The following GSE1 variants were observed in gnomAD, a reference collection of about 807,000 sequenced individuals.
GSE1 encodes Gse1 coiled-coil protein.
GSE1 carries 32 observed loss-of-function variants against 112.6 expected under a neutral mutation model. The observed-to-expected ratio is 0.28, with a 90% CI of 0.21 to 0.38. GSE1 has a LOEUF of 0.38. Ranked by LOEUF, GSE1 falls within the 10% of genes least tolerant of loss-of-function variation. GSE1 has a pLI of 1.00. For missense variants in GSE1, 2,348 were observed against 1,699.2 expected, an observed-to-expected ratio of 1.38 and a Z score of -6.71; for synonymous variants, 1,115 against 735.6, an observed-to-expected ratio of 1.52 and a Z score of -8.35.
At chr16:85,470,167 C>T (rs2050242910) in intron 2 of GSE1, among the ~76,000 whole-genome samples, 1 of 152,238 alleles carries the variant, frequency 6.6e-6, no homozygotes, top group African/African-American at 2.4e-5. Context: ...GCAGCTCGAG[C>T]CAGCTGGGCT....
At chr16:85,216,681 G>C (rs1364730632) in intron 1 of GSE1, among the ~76,000 whole-genome samples, 1 of 152,204 alleles carries the variant, frequency 6.6e-6, no homozygotes, top group Non-Finnish European at 1.5e-5. Context: ...ACACACAGCA[G>C]GTGTAGAGGC....
chr16:85,520,461 C>T (rs1025637165), intron 2 of GSE1, among the ~76,000 whole-genome samples: 2 of 150,852 alleles, frequency 1.3e-5, no homozygotes, highest in African/African-American at 4.9e-5. Context: ...GAAGGAGTGT[C>T]ACTCTTGTCA....
At chr16:85,629,966 A>T (rs888457291) in intron 1 of GSE1, among the ~76,000 whole-genome samples, 1 of 152,182 alleles carries the variant, frequency 6.6e-6, no homozygotes, top group Non-Finnish European at 1.5e-5. Flanking sequence ...AGGATGGCTT[A>T]GCTGGGTGGT....
chr16:85,613,018 C>G (rs1314393315), upstream of GSE1: 2 of 300,000 alleles, frequency 6.7e-6, no homozygotes, highest in African/African-American at 2.2e-5. Flanking sequence ...CTCCGCGGCC[C>G]CGCTGGTGTC....
At chr16:85,666,530 A>G (rs2052876356) in intron 13 of GSE1, 183 bp downstream of exon 13, 1 of 641,228 alleles carries the variant, frequency 1.6e-6, no homozygotes, top group Admixed American at 2.9e-5. Flanking sequence ...TCCAAGCTCT[A>G]AAACCTGAAC....
At chr16:85,645,832 C>T (rs2050809748) in intron 2 of GSE1, among the ~76,000 whole-genome samples, 1 of 152,118 alleles carries the variant, frequency 6.6e-6, no homozygotes, top group Admixed American at 6.5e-5. Flanking sequence ...CCTGCTTCTA[C>T]CACGCTTCCT....
intron 1 of GSE1, among the ~76,000 whole-genome samples, chr16:85,195,489 C>A (rs200667320): frequency 1.3e-5 from 2 of 152,164 alleles, no homozygotes; most frequent in African/African-American, 4.8e-5. Context: ...CCTCGAGTCA[C>A]GCAGGGGATG....
intron 1 of GSE1, among the ~76,000 whole-genome samples, chr16:85,314,084 ATGTGTGTGTGACACAGCTCTGTGTG>A (rs941830718): frequency 2.0e-5 from 3 of 151,020 alleles, no homozygotes; most frequent in South Asian, 2.1e-4. Context: ...AGCCATTTGT[ATGTGTGTGTGACACAGCTCTGTGTG>A]TGTGTGTGTG....
At chr16:85,247,049 C>G (rs1289468881) in intron 1 of GSE1, among the ~76,000 whole-genome samples, 1 of 152,140 alleles carries the variant, frequency 6.6e-6, no homozygotes, top group African/African-American at 2.4e-5. Flanking sequence ...CGTCACCTGC[C>G]CCACCCCCCA....
intron 1 of GSE1, among the ~76,000 whole-genome samples, chr16:85,242,282 C>G (rs1905229836): frequency 6.6e-6 from 1 of 152,212 alleles, no homozygotes; most frequent in South Asian, 2.1e-4. Flanking sequence ...CCTCCTGCTT[C>G]CCCTCTGCCA....
At chr16:85,240,857 A>T (rs571963708) in intron 1 of GSE1, among the ~76,000 whole-genome samples, 137 of 152,002 alleles carry the variant, frequency 9.0e-4, no homozygotes, top group African/African-American at 3.1e-3. Flanking sequence ...ACAGTCGGGG[A>T]GCAGAGAGGC....
chr16:85,502,672 C>A (rs2051409165), intron 2 of GSE1, among the ~76,000 whole-genome samples: 1 of 152,194 alleles, frequency 6.6e-6, no homozygotes, highest in African/African-American at 2.4e-5. Flanking sequence ...CCTACAGGGT[C>A]AGAGGCAAGG....
chr16:85,191,102 TACAA>T (rs1343540605), intron 1 of GSE1, among the ~76,000 whole-genome samples: 4 of 152,078 alleles, frequency 2.6e-5, no homozygotes, highest in African/African-American at 9.7e-5. Context: ...CTACTAAAAA[TACAA>T]ACAATTAGCT....
intron 2 of GSE1, among the ~76,000 whole-genome samples, chr16:85,437,476 A>T (rs911771101): frequency 8.5e-5 from 13 of 152,148 alleles, no homozygotes; most frequent in African/African-American, 2.7e-4. Flanking sequence ...GGAAATAATG[A>T]CATCTAGGGA....
At chr16:85,426,648 T>G (rs968209164) in intron 2 of GSE1, among the ~76,000 whole-genome samples, 7 of 144,782 alleles carry the variant, frequency 4.8e-5, no homozygotes, top group Non-Finnish European at 7.6e-5. Context: ...GGTAGGTGGG[T>G]GGATGGGTGA....
chr16:85,453,372 C>T (rs565563341), intron 2 of GSE1, among the ~76,000 whole-genome samples: 3 of 152,202 alleles, frequency 2.0e-5, no homozygotes, highest in South Asian at 2.1e-4. Context: ...CAGCATCGGG[C>T]GCTGGGGCGT....
intron 2 of GSE1, among the ~76,000 whole-genome samples, chr16:85,429,081 C>T (rs996274062): frequency 1.3e-5 from 2 of 152,232 alleles, no homozygotes; most frequent in Non-Finnish European, 2.9e-5. Flanking sequence ...CCGCACGCTG[C>T]ATCACTCACG....
chr16:85,417,932 C>T (rs560976279), intron 2 of GSE1, among the ~76,000 whole-genome samples: 1 of 152,304 alleles, frequency 6.6e-6, no homozygotes, highest in South Asian at 2.1e-4. Context: ...CTCCGCCTCC[C>T]GAGTTCAAGC....
chr16:85,472,280 A>G (rs2050318690), intron 2 of GSE1, among the ~76,000 whole-genome samples: 1 of 152,176 alleles, frequency 6.6e-6, no homozygotes, highest in Non-Finnish European at 1.5e-5. Context: ...GGAGTCCAAA[A>G]TCAAGGTGTG....
Sources: allele counts gnomAD v4.1 joint callset (sites outside exome capture counted in the v4.1 genomes callset), GRCh38; gene constraint gnomAD v4.1.1; transcripts MANE v1.5; gene names NCBI Gene and HGNC (gene_info 2026-07-23, HGNC 2026-07-21).